Variants in CREB5 observed in about 807,000 individuals in gnomAD.
CREB5 encodes the protein cAMP responsive element binding protein 5.
A neutral mutation model predicts 57.1 loss-of-function variants in CREB5; 19 were observed. The ratio of observed to expected loss-of-function variants is 0.33; its 90% CI spans 0.23 to 0.49. The LOEUF (loss-of-function observed/expected upper bound fraction) is 0.49, where lower values mean the gene tolerates loss of function less well. CREB5 is among the 20% of genes least tolerant of loss of function. The pLI is 0.99. For missense variants in CREB5, 579 were observed against 671.6 expected (o/e 0.86, Z 1.52); for synonymous variants, 238 against 238.3 (o/e 1.00, Z 0.01).
rs116237225 is a variant in CREB5 at position 28,625,853 on chromosome 7, A to G, written c.464+55316A>G. Reference sequence around the variant, plus strand: ...TTAAAATGACATAATATCATAGAGGATCATCTATTTCAATAAGAACAATTT... The same window carrying G: ...TTAAAATGACATAATATCATAGAGGGTCATCTATTTCAATAAGAACAATTT... On this transcript the variant is annotated intron_variant, in intron 5 of 10. Coordinates refer to ENST00000357727, the MANE Select transcript of CREB5 (RefSeq NM_182898.4). Among the ~76,000 whole-genome samples, 1,124 of 152,320 alleles carry G rather than the reference A, an allele frequency of 7.4e-3. 15 individuals carry two copies. The highest frequency in any genetic ancestry group is 0.026 in the African/African-American group (1,085 of 41,574).
rs74812968 is a variant in CREB5 at position 28,472,767 on chromosome 7, G to C, written c.4-15408G>C. On this transcript the variant is annotated intron_variant, in intron 1 of 10. Transcript: ENST00000357727. Reference sequence around the variant, plus strand: ...GGAACAGGTACTTCGACGATCCAAGGTCTCTCTCTGCAGCCTGGAATTCCT... The same window carrying C: ...GGAACAGGTACTTCGACGATCCAAGCTCTCTCTCTGCAGCCTGGAATTCCT... Among the ~76,000 whole-genome samples the C allele has an allele frequency of 4.3e-3, 658 of 152,222 alleles. 11 individuals carry two copies. Among genetic ancestry groups the C allele is most frequent in the African/African-American group, 0.014 (576 of 41,520 alleles).
chr7:28,641,038 G>A (rs574802261), intron 5 of CREB5, among the ~76,000 whole-genome samples: 7 of 152,268 alleles, frequency 4.6e-5, no homozygotes, highest in Admixed American at 6.5e-5. Context: ...CATCCTGAAC[G>A]ACATCACCCA....
intron 2 of CREB5, among the ~76,000 whole-genome samples, chr7:28,490,214 A>G (rs1363207794): frequency 6.6e-6 from 1 of 152,246 alleles, no homozygotes; most frequent in Non-Finnish European, 1.5e-5. Context: ...CAGAGATTCT[A>G]GTTTAGGAAT....
At position 28,791,897 on chromosome 7, in the gene CREB5, G is replaced by A. The variant is rs73308857; in HGVS notation, c.703-12302G>A. Among the ~76,000 whole-genome samples the A allele has an allele frequency of 6.3e-3, 952 of 152,238 alleles. 14 individuals are homozygous for A. The highest frequency in any genetic ancestry group is 0.022 in the African/African-American group (914 of 41,542). On this transcript the variant is annotated intron_variant, in intron 7 of 10. Coordinates refer to ENST00000357727, the MANE Select transcript of CREB5 (RefSeq NM_182898.4). Reference sequence around the variant, plus strand: ...ACCACCCCCATTACTTGTGTTGTAGGCAGTAAAAAAGTAGATTTAGATCTC... The same window carrying A: ...ACCACCCCCATTACTTGTGTTGTAGACAGTAAAAAAGTAGATTTAGATCTC...
At chr7:28,315,407 G>C (rs1400796340) in intron 1 of CREB5, among the ~76,000 whole-genome samples, 1 of 152,178 alleles carries the variant, frequency 6.6e-6, no homozygotes, top group East Asian at 1.9e-4. Context: ...GTTGCCTTCT[G>C]TTAGCCGCTT....
intron 5 of CREB5, among the ~76,000 whole-genome samples, chr7:28,572,659 C>T (rs866796472): frequency 3.3e-5 from 5 of 152,104 alleles, no homozygotes; most frequent in Non-Finnish European, 7.4e-5. Context: ...AGTATTCAGC[C>T]ATTGTTAGCA....
chr7:28,693,964 G>C (rs190504624), intron 5 of CREB5, among the ~76,000 whole-genome samples: 38 of 152,338 alleles, frequency 2.5e-4, no homozygotes, highest in Non-Finnish European at 4.1e-4. Context: ...GGTGAAGAGA[G>C]AATCATACTT....
chr7:28,682,794 G>A lies in CREB5; in HGVS notation c.465-35959G>A, dbSNP rs150708259. Among the ~76,000 whole-genome samples, 172 of 152,200 alleles carry A rather than the reference G, an allele frequency of 1.1e-3. 1 individual carries two copies. The highest frequency in any genetic ancestry group is 3.9e-3 in the African/African-American group (160 of 41,536). On this transcript the variant is annotated intron_variant, in intron 5 of 10. Transcript: ENST00000357727. ...CAGAAATTCACCCAGGCACACAAAA[G>A]GTCTACTCTAGTTGGCTGTTGAGCC...
At chr7:28,491,990 G>GT (rs751296829) in intron 2 of CREB5, among the ~76,000 whole-genome samples, 5 of 152,000 alleles carry the variant, frequency 3.3e-5, no homozygotes, top group Non-Finnish European at 5.9e-5. Flanking sequence ...AGGTTTTTTT[G>GT]TTTTTTGTCT....
rs141770669 is a variant in CREB5 at position 28,432,444 on chromosome 7, C to A, written c.3+19527C>A. ...TGCAAGCCGGCAGGCACACAGTGGT[C>A]ATCTGGGATTTTCAAATGAGAGTGC... On this transcript the variant is annotated intron_variant, in intron 1 of 10. Coordinates refer to ENST00000357727, the MANE Select transcript of CREB5 (RefSeq NM_182898.4). Among the ~76,000 whole-genome samples the A allele has an allele frequency of 2.3e-3, 349 of 152,254 alleles. 1 individual carries two copies. The highest frequency in any genetic ancestry group is 7.9e-3 in the African/African-American group (329 of 41,546).
intron 5 of CREB5, among the ~76,000 whole-genome samples, chr7:28,666,936 GA>G (rs113572513): frequency 0.016 from 2,068 of 129,220 alleles, 37 homozygotes; most frequent in African/African-American, 0.039. Context: ...CCTTTCTTAG[GA>G]AAAAAAAAAA....
chr7:28,318,800 G>T (rs1019016003), intron 1 of CREB5, among the ~76,000 whole-genome samples: 2 of 152,194 alleles, frequency 1.3e-5, no homozygotes, highest in Non-Finnish European at 1.5e-5. Flanking sequence ...CTGCTACATT[G>T]AAGAGGAAGA....
chr7:28,514,345 G>C (rs1792840339), intron 4 of CREB5, among the ~76,000 whole-genome samples: 1 of 152,036 alleles, frequency 6.6e-6, no homozygotes. Context: ...ATTGTTCTCT[G>C]AGTTCAGTAT....
At chr7:28,777,189 C>T (rs187180301) in intron 7 of CREB5, among the ~76,000 whole-genome samples, 14 of 152,334 alleles carry the variant, frequency 9.2e-5, no homozygotes, top group African/African-American at 2.9e-4. Context: ...ACCCCAAAGA[C>T]ATTTCTAGCT....
intron 1 of CREB5, among the ~76,000 whole-genome samples, chr7:28,334,941 C>A (rs1445522582): frequency 6.6e-6 from 1 of 152,204 alleles, no homozygotes; most frequent in African/African-American, 2.4e-5. Context: ...GTTTTCCCAG[C>A]ACCATTTATT....
intron 5 of CREB5, among the ~76,000 whole-genome samples, chr7:28,696,696 CATAT>C (rs535686349): frequency 6.6e-6 from 1 of 152,010 alleles, no homozygotes; most frequent in Non-Finnish European, 1.5e-5. Flanking sequence ...TATATGTACA[CATAT>C]ATATACACCT....
At chr7:28,565,908 G>A (rs751958555) in intron 4 of CREB5, among the ~76,000 whole-genome samples, 2 of 152,130 alleles carry the variant, frequency 1.3e-5, no homozygotes, top group African/African-American at 2.4e-5. Flanking sequence ...GTGACAGAGC[G>A]AGACTCTGTC....
rs140651104 is a variant in CREB5, at chr7:28,645,387, G to T, written c.465-73366G>T. On this transcript the variant is annotated intron_variant, in intron 5 of 10. Coordinates refer to ENST00000357727, the MANE Select transcript of CREB5 (RefSeq NM_182898.4). Reference sequence around the variant, plus strand: ...TTACCTCCTTTTTGAAAAACCTGACGAAGTGGCTGGTTTGCTTGTGGGTTT... The same window carrying T: ...TTACCTCCTTTTTGAAAAACCTGACTAAGTGGCTGGTTTGCTTGTGGGTTT... Among the ~76,000 whole-genome samples, 1,307 of 152,222 alleles carry T rather than the reference G, an allele frequency of 8.6e-3. 22 individuals carry two copies. The highest frequency in any genetic ancestry group is 0.028 in the African/African-American group (1,181 of 41,536).
chr7:28,737,390 T>C (rs1281306110), intron 7 of CREB5, among the ~76,000 whole-genome samples: 1 of 151,528 alleles, frequency 6.6e-6, no homozygotes, highest in Non-Finnish European at 1.5e-5. Context: ...TCCTGGTTTC[T>C]TCCCCCCTCT....
Sources: allele counts gnomAD v4.1 joint callset (sites outside exome capture counted in the v4.1 genomes callset), GRCh38; gene constraint gnomAD v4.1.1; transcripts MANE v1.5; gene names NCBI Gene and HGNC (gene_info 2026-07-23, HGNC 2026-07-21).